KHDRBS3: variants seen among roughly 807,000 people sequenced by gnomAD.
KHDRBS3 encodes the protein KH domain-containing, RNA-binding, signal transduction-associated protein 3.
KHDRBS3 carries 23 observed loss-of-function variants against 45.6 expected under a neutral mutation model. The observed-to-expected ratio is 0.50, with a 90% CI of 0.36 to 0.72. The LOEUF is 0.72. KHDRBS3 is among the 30% of genes least tolerant of loss of function. KHDRBS3 has a pLI of 0.00. For missense variants in KHDRBS3, 352 were observed against 424.8 expected (o/e 0.83, Z 1.51); for synonymous variants, 162 against 156.5 (o/e 1.04, Z -0.26).
intron 1 of KHDRBS3, among the ~76,000 whole-genome samples, chr8:135,481,131 T>C (rs2130317437): frequency 6.6e-6 from 1 of 151,654 alleles, no homozygotes; most frequent in East Asian, 1.9e-4. Context: ...TTCACTGCCC[T>C]GCTTACCTGT....
chr8:135,497,206 C>T (rs925118952), intron 1 of KHDRBS3, among the ~76,000 whole-genome samples: 6 of 152,326 alleles, frequency 3.9e-5, no homozygotes, highest in African/African-American at 1.2e-4. Context: ...CCATTGGTAT[C>T]GTCCAGTTTG....
intron 5 of KHDRBS3, among the ~76,000 whole-genome samples, chr8:135,562,129 C>T (rs1189124114): frequency 6.6e-6 from 1 of 152,186 alleles, no homozygotes; most frequent in African/African-American, 2.4e-5. Flanking sequence ...TAGGCCTTCA[C>T]ATTCACTTGT....
intron 6 of KHDRBS3, among the ~76,000 whole-genome samples, chr8:135,589,154 A>G (rs1258950117): frequency 1.3e-5 from 2 of 152,134 alleles, no homozygotes; most frequent in African/African-American, 4.8e-5. Context: ...GGTAGTTTGG[A>G]TGGATGGATG....
intron 2 of KHDRBS3, among the ~76,000 whole-genome samples, chr8:135,529,759 T>C (rs1293125694): frequency 6.6e-6 from 1 of 152,092 alleles, no homozygotes; most frequent in African/African-American, 2.4e-5. Context: ...AAGCAGTAAA[T>C]TTAGAAATTA....
At position 135,645,010 on chromosome 8, in the gene KHDRBS3, ACT is replaced by A. The variant is rs774327145; in HGVS notation, c.891-47_891-46del. 2.5e-6 allele frequency: 4 copies of A among 1,585,376 alleles called. No homozygotes were observed. The East Asian group carries it at 9.0e-5, about 36-fold the overall frequency. On this transcript the variant is annotated intron_variant, in intron 7 of 8. Coordinates refer to ENST00000355849, the MANE Select transcript of KHDRBS3 (RefSeq NM_006558.3). ...CAATACGTTATTGAATACTGTTGAAACTCACAGCCAGATGATTTTGTCCTTTG... is the reference window on the plus strand; with the variant it reads ...CAATACGTTATTGAATACTGTTGAAACACAGCCAGATGATTTTGTCCTTTG...
At chr8:135,547,012 A>G (rs529141241) in intron 3 of KHDRBS3, among the ~76,000 whole-genome samples, 1 of 152,180 alleles carries the variant, frequency 6.6e-6, no homozygotes, top group Non-Finnish European at 1.5e-5. Flanking sequence ...TTGATACTCT[A>G]TTAGAAAAGG....
intron 4 of KHDRBS3, chr8:135,549,359 A>G (rs1225243708): frequency 6.6e-6 from 1 of 152,408 alleles, no homozygotes; most frequent in African/African-American, 2.4e-5. Context: ...AAACATCAAC[A>G]GATGATTTCA....
intron 2 of KHDRBS3, among the ~76,000 whole-genome samples, chr8:135,529,583 A>G (rs976242235): frequency 6.6e-6 from 1 of 152,212 alleles, no homozygotes; most frequent in Admixed American, 6.5e-5. Flanking sequence ...GGGGTTCCTG[A>G]AATAATCTAG....
At chr8:135,546,835 T>C (rs1826328769) in intron 3 of KHDRBS3, among the ~76,000 whole-genome samples, 2 of 152,288 alleles carry the variant, frequency 1.3e-5, no homozygotes, top group South Asian at 4.1e-4. Context: ...ACATTGCCTG[T>C]CATCATTAAT....
At chr8:135,581,470 G>C (rs1446269100) in intron 5 of KHDRBS3, among the ~76,000 whole-genome samples, 2 of 152,146 alleles carry the variant, frequency 1.3e-5, no homozygotes, top group African/African-American at 4.8e-5. Context: ...CAGCTGTTCT[G>C]AGACAGTTTT....
At chr8:135,556,927 A>G (rs1247047722) in intron 4 of KHDRBS3, among the ~76,000 whole-genome samples, 2 of 152,240 alleles carry the variant, frequency 1.3e-5, no homozygotes, top group East Asian at 1.9e-4. Flanking sequence ...CACAACTTGT[A>G]TAATTTTCTA....
chr8:135,593,947 G>A (rs1290808735), intron 6 of KHDRBS3, among the ~76,000 whole-genome samples: 1 of 152,166 alleles, frequency 6.6e-6, no homozygotes, highest in African/African-American at 2.4e-5. Flanking sequence ...AAGGGAATGA[G>A]TAGCACTCAG....
intron 1 of KHDRBS3, among the ~76,000 whole-genome samples, chr8:135,478,525 G>C (rs758589700): frequency 2.6e-5 from 4 of 152,170 alleles, no homozygotes; most frequent in African/African-American, 9.6e-5. Flanking sequence ...CACAGGAAAT[G>C]CATTTTTCTC....
At position 135,602,625 on chromosome 8, in the gene KHDRBS3, G is replaced by A. The variant is rs150790925; in HGVS notation, c.808-4330G>A. ...TTTACAATCTTGATTCTTCAAATAAGCACAGAAATAGAATTCTTTGAAGAA... is the reference window on the plus strand; with the variant it reads ...TTTACAATCTTGATTCTTCAAATAAACACAGAAATAGAATTCTTTGAAGAA... On this transcript the variant is annotated intron_variant, in intron 6 of 8. Coordinates refer to ENST00000355849, the MANE Select transcript of KHDRBS3 (RefSeq NM_006558.3). Among the ~76,000 whole-genome samples, 942 of 151,716 alleles carry A rather than the reference G, an allele frequency of 6.2e-3. 3 individuals are homozygous for A. Among genetic ancestry groups the A allele is most frequent in the Non-Finnish European group, 9.6e-3 (649 of 67,898 alleles).
chr8:135,488,654 G>C (rs1000260043), intron 1 of KHDRBS3, among the ~76,000 whole-genome samples: 1 of 152,156 alleles, frequency 6.6e-6, no homozygotes, highest in Admixed American at 6.5e-5. Context: ...ATATGAGGAA[G>C]CAAGCCTACT....
chr8:135,618,837 A>G (rs936635043), intron 7 of KHDRBS3, among the ~76,000 whole-genome samples: 4 of 152,154 alleles, frequency 2.6e-5, no homozygotes, highest in Non-Finnish European at 4.4e-5. Context: ...ATACTTGAAC[A>G]GTTTAGTGTG....
In KHDRBS3 at chr8:135,624,621, A is replaced by G. The variant is rs552266685; in HGVS notation, c.890+17584A>G. 9.2e-5 allele frequency among the ~76,000 whole-genome samples: 14 copies of G among 152,310 alleles called. No individual in the cohort carries two copies. In the East Asian group the frequency reaches 2.5e-3, roughly 27 times the overall value. On this transcript the variant is annotated intron_variant, in intron 7 of 8. Transcript: ENST00000355849. ...ATGGCTTCATAGGGCAACTTTTTAG[A>G]CCAAAGTCTAGGCCTGTGAGGCTTC... is the stretch of plus-strand genomic sequence containing the variant.
chr8:135,458,001 G>A (rs771838138), intron 1 of KHDRBS3, 47 bp downstream of exon 1: 1 of 1,533,728 alleles, frequency 6.5e-7, no homozygotes, highest in Non-Finnish European at 8.8e-7. Context: ...TTGGGGGCCG[G>A]GTGGAAACGC....
At chr8:135,596,304 AC>A (rs1828971427) in intron 6 of KHDRBS3, among the ~76,000 whole-genome samples, 1 of 152,202 alleles carries the variant, frequency 6.6e-6, no homozygotes, top group Admixed American at 6.5e-5. Context: ...GAGAATGTGA[AC>A]TGAGTCTTAA....
Sources: gnomAD v4.1 joint callset for allele counts (sites outside exome capture counted in the v4.1 genomes callset) on GRCh38, gnomAD v4.1.1 for gene constraint, MANE v1.5 for transcripts, NCBI Gene and HGNC (gene_info 2026-07-23, HGNC 2026-07-21) for gene names.